The following DNAH8 variants were observed in gnomAD, a reference collection of about 807,000 sequenced individuals.
DNAH8 encodes the protein axonemal beta dynein heavy chain 8.
DNAH8 carries 382 observed loss-of-function variants against 562.1 expected under a neutral mutation model. The ratio of observed to expected loss-of-function variants is 0.68; its 90% CI spans 0.63 to 0.74. The LOEUF (loss-of-function observed/expected upper bound fraction) is 0.74, where lower values mean the gene tolerates loss of function less well. Among genes scored for constraint, DNAH8 ranks in the 30% least tolerant of loss-of-function variants. The pLI, the probability that DNAH8 is intolerant of heterozygous loss-of-function variation, is 0.00. For synonymous variants in DNAH8, 1,881 were observed against 1,919.4 expected (o/e 0.98, Z 0.52); for missense variants, 5,203 against 5,620.4 (o/e 0.93, Z 2.37).
At position 38,734,569 on chromosome 6, in the gene DNAH8, A is replaced by G. The variant is rs1434156128; in HGVS notation, c.706A>G (p.Ile236Val). 4 of 1,613,870 alleles carry G rather than the reference A, an allele frequency of 2.5e-6. No individual in the cohort carries two copies. The highest frequency in any genetic ancestry group is 1.1e-5 in the South Asian group (1 of 91,068). Reference protein sequence around the residue: ...AAPDKLKGLCIFFVRCRNDVA... With the variant: ...AAPDKLKGLCVFFVRCRNDVA... ...CCCGGATAAACTAAAAGGACTGTGC[A>G]TATTTTTTGTTCGTTGCCGTAATGA... Residue 236 changes from isoleucine to valine, a missense_variant, in exon 5 of 93, where the codon ATA (isoleucine) becomes GTA (valine). Physicochemically the swap from Ile to Val is conservative, Grantham distance 29 (BLOSUM62 3). Transcript: ENST00000327475.
At position 38,906,354 on chromosome 6, in the gene DNAH8, AT is replaced by A; in HGVS notation, c.9296del (p.Ile3099LysfsTer7). The A allele has an allele frequency of 1.2e-6, 2 of 1,611,206 alleles. No individual in the cohort carries two copies. Among genetic ancestry groups the A allele is most frequent in the Non-Finnish European group, 1.7e-6 (2 of 1,178,760 alleles). Reference protein sequence around the residue: ...GITFIFTDSEIKDEAFLEYLN... With the variant: ...GITFIFTDSEXKDEAFLEYLN... The stretch of plus-strand genomic sequence containing the variant: ...CACTTTCATCTTTACTGACAGTGAA[AT>A]AAAAGATGAGGCATTTCTAGAATAC... On this transcript the variant is annotated frameshift_variant, in exon 63 of 93. Transcript: ENST00000327475. LOFTEE classifies it high-confidence loss of function.
chr6:39,009,637 G>A (rs555191839), intron 89 of DNAH8, among the ~76,000 whole-genome samples: 1 of 152,294 alleles, frequency 6.6e-6, no homozygotes, highest in Admixed American at 6.5e-5. Flanking sequence ...GACACTCAGT[G>A]CTCAGGACAG....
At chr6:38,896,970 A>G (rs1179058772) in intron 60 of DNAH8, among the ~76,000 whole-genome samples, 1 of 151,948 alleles carries the variant, frequency 6.6e-6, no homozygotes, top group Non-Finnish European at 1.5e-5. Flanking sequence ...TATTTTTAGT[A>G]GAGACGAGGT....
chr6:38,793,604 A>T (rs1185384776), intron 21 of DNAH8, among the ~76,000 whole-genome samples: 2 of 152,276 alleles, frequency 1.3e-5, no homozygotes, highest in South Asian at 2.1e-4. Context: ...GTTTTTAAAA[A>T]ACTGGTAATT....
rs977755432 is a variant in DNAH8 at position 38,982,544 on chromosome 6, G to A, written c.12951+82G>A. ...TACAGTCATTTGAAGTCTATGATAA[G>A]GTGTGAATTTGCTGAGCCCCATGGA... On this transcript the variant is annotated intron_variant, in intron 86 of 92. Coordinates refer to ENST00000327475, the MANE Select transcript of DNAH8 (RefSeq NM_001206927.2). 50 of 814,120 alleles carry A rather than the reference G, an allele frequency of 6.1e-5. 1 individual carries two copies. In the Admixed American group the frequency reaches 9.0e-4, roughly 15 times the overall value. 50.4% of individuals were successfully genotyped at this position (814,120 alleles called of 1,614,324 possible). A position where few individuals can be genotyped will look rare whatever the true frequency, so the allele number is the denominator to read the frequency against.
chr6:38,735,908 C>G (rs1416531491), intron 5 of DNAH8, among the ~76,000 whole-genome samples: 1 of 152,102 alleles, frequency 6.6e-6, no homozygotes, highest in East Asian at 1.9e-4. Context: ...GAAGCAGAGG[C>G]AGGCAGATCG....
intron 82 of DNAH8, among the ~76,000 whole-genome samples, chr6:38,969,536 C>T (rs1402845300): frequency 2.0e-5 from 3 of 152,062 alleles, no homozygotes; most frequent in South Asian, 2.1e-4. Context: ...GAACAAGGTC[C>T]GTCAGGAAAG....
chr6:38,824,291 G>A (rs566735459), intron 28 of DNAH8, among the ~76,000 whole-genome samples: 3 of 152,182 alleles, frequency 2.0e-5, no homozygotes, highest in East Asian at 1.9e-4. Flanking sequence ...GACTGTGGAC[G>A]TAGACAGGTT....
At position 38,909,682 on chromosome 6, in the gene DNAH8, T is replaced by A. The variant is rs1583326705; in HGVS notation, c.9678T>A (p.Val3226=). The A allele has an allele frequency of 8.1e-6, 13 of 1,614,116 alleles. No homozygotes were observed. Among genetic ancestry groups the A allele is most frequent in the Non-Finnish European group, 1.0e-5 (12 of 1,179,990 alleles). The change falls in exon 65 of 93, where the codon GTT becomes GTA. Residue 3226 remains valine, a synonymous_variant. Coordinates refer to ENST00000327475, the MANE Select transcript of DNAH8 (RefSeq NM_001206927.2). ...IVCSSEIKRQ[V]VETMGLFHDM... ...GCTCTAGTGAAATTAAAAGACAAGT[T>A]GTAGAAACAATGGGCCTGTTTCATG...
intron 21 of DNAH8, among the ~76,000 whole-genome samples, chr6:38,799,782 C>T (rs1054298897): frequency 1.3e-5 from 2 of 152,108 alleles, no homozygotes; most frequent in South Asian, 2.1e-4. Flanking sequence ...CTCCCAGCCC[C>T]AAGGCAACCC....
chr6:38,870,504 A>C lies in DNAH8; in HGVS notation c.6932A>C (p.His2311Pro), dbSNP rs1372116031. Reference sequence around the variant, plus strand: ...GCAGAACTGCAAAACGCAGTAGCCCATCAGGTTCAGATAGAGGGTTTGATT... The same window carrying C: ...GCAGAACTGCAAAACGCAGTAGCCCCTCAGGTTCAGATAGAGGGTTTGATT... ...TYAELQNAVAHQVQIEGLINH... is the reference protein window; with the variant it reads ...TYAELQNAVAPQVQIEGLINH... The change falls in exon 49 of 93, where the codon CAT becomes CCT. Residue 2311 changes from histidine (H) to proline (P), a missense_variant. Physicochemically the swap from His to Pro is moderately conservative, Grantham distance 77. Around this residue, in one of 6 missense-constraint regions of DNAH8, gnomAD observed 2,176 missense variants for 2,365.1 expected, o/e 0.92. Coordinates refer to ENST00000327475, the MANE Select transcript of DNAH8 (RefSeq NM_001206927.2). 2 of 1,614,102 alleles carry C rather than the reference A, an allele frequency of 1.2e-6. No homozygotes were observed. The highest frequency in any genetic ancestry group is 1.7e-6 in the Non-Finnish European group (2 of 1,179,966).
intron 11 of DNAH8, among the ~76,000 whole-genome samples, chr6:38,768,907 G>A (rs550571821): frequency 3.1e-4 from 47 of 152,104 alleles, no homozygotes; most frequent in African/African-American, 1.0e-3. Flanking sequence ...GTTATTTTTG[G>A]GAATAGGAGT....
rs752258191 is a variant in DNAH8, at chr6:38,875,845, A to G, written c.7858+17A>G. 3 of 1,513,790 alleles carry G rather than the reference A, an allele frequency of 2.0e-6. No homozygotes were observed. In the African/African-American group the frequency reaches 4.1e-5, roughly 21 times the overall value. 93.8% of individuals were successfully genotyped at this position (1,513,790 alleles called of 1,614,324 possible). A position where few individuals can be genotyped will look rare whatever the true frequency, so the allele number is the denominator to read the frequency against. On this transcript the variant is annotated intron_variant, in intron 53 of 92. Transcript: ENST00000327475. ...CTGATTATGGTAAGCCCACTGAACT[A>G]TACCTTAAATGAAATGACTTTTTTC...
At chr6:38,856,112 C>T (rs1396455427) in intron 41 of DNAH8, among the ~76,000 whole-genome samples, 1 of 152,208 alleles carries the variant, frequency 6.6e-6, no homozygotes, top group Non-Finnish European at 1.5e-5. Flanking sequence ...CTATCCTCTT[C>T]TCCTTACCCT....
Position 39,012,592 on chromosome 6 carries a change from G to A in DNAH8, c.13669G>A (p.Gly4557Arg). The change falls in exon 91 of 93, where the codon GGG becomes AGG. Residue 4557 changes from glycine to arginine, a missense_variant. Gly to Arg is a moderately radical substitution (Grantham distance 125). Around this residue, in one of 6 missense-constraint regions of DNAH8, gnomAD observed 1,399 missense variants for 1,518.4 expected, o/e 0.92. Coordinates refer to ENST00000327475, the MANE Select transcript of DNAH8 (RefSeq NM_001206927.2). ...NAQFSTWIFE[G>R]RPNVFWMTGF... ...TCAGTTTTCTACGTGGATATTTGAA[G>A]GGAGGCCTAATGTGTTTTGGATGAC... The A allele has an allele frequency of 6.2e-7, 1 of 1,614,106 alleles. No homozygotes were observed. Among genetic ancestry groups the A allele is most frequent in the Non-Finnish European group, 8.5e-7 (1 of 1,179,950 alleles).
At chr6:38,956,581 GC>G (rs1401294840) in intron 82 of DNAH8, among the ~76,000 whole-genome samples, 1 of 152,180 alleles carries the variant, frequency 6.6e-6, no homozygotes, top group Non-Finnish European at 1.5e-5. Context: ...GCAGAGACTT[GC>G]TGGAAGACAA....
chr6:38,930,979 T>A (rs562287135), intron 75 of DNAH8, among the ~76,000 whole-genome samples: 1 of 152,280 alleles, frequency 6.6e-6, no homozygotes, highest in Admixed American at 6.5e-5. Context: ...CTTTTTTAGA[T>A]TTCACATGTG....
At chr6:38,904,791 T>TC (rs1278205525) in intron 62 of DNAH8, among the ~76,000 whole-genome samples, 1 of 33,738 alleles carries the variant, frequency 3.0e-5, no homozygotes, top group Admixed American at 3.2e-4. Flanking sequence ...AAACTCCGTC[T>TC]CAAAAAAAAA....
At chr6:38,862,193 C>A in intron 43 of DNAH8, 87 bp from the exon 44 acceptor site, 1 of 1,178,130 alleles carries the variant, frequency 8.5e-7, no homozygotes, top group Non-Finnish European at 1.2e-6. Context: ...TAAATAGGCC[C>A]ATTCCAATCA....
Sources: gnomAD v4.1 joint callset for allele counts (sites outside exome capture counted in the v4.1 genomes callset) on GRCh38, gnomAD v4.1.1 for gene constraint, gnomAD v4.1.1 regional missense constraint, MANE v1.5 for transcripts, NCBI Gene and HGNC (gene_info 2026-07-23, HGNC 2026-07-21) for gene names.